PTPRT: variants seen among roughly 807,000 people sequenced by gnomAD.
PTPRT encodes the protein receptor-type tyrosine-protein phosphatase T.
Under a neutral mutation model 176.8 loss-of-function variants are expected in PTPRT, and 56 were observed. That is an observed-to-expected ratio of 0.32 (90% CI 0.26 to 0.40). PTPRT has a LOEUF of 0.40. PTPRT is among the 10% of genes least tolerant of loss of function. The pLI, the probability that PTPRT is intolerant of heterozygous loss-of-function variation, is 1.00. For synonymous variants in PTPRT, 783 were observed against 739.0 expected (o/e 1.06, Z -0.96); for missense variants, 1,540 against 1,908.2 (o/e 0.81, Z 3.60).
At chr20:43,038,283 A>T (rs901669350) in intron 1 of PTPRT, among the ~76,000 whole-genome samples, 3 of 152,238 alleles carry the variant, frequency 2.0e-5, no homozygotes, top group Non-Finnish European at 2.9e-5. Flanking sequence ...AAATACTAGT[A>T]GATCAAATCT....
chr20:42,458,803 G>C (rs2070967395), intron 8 of PTPRT, among the ~76,000 whole-genome samples: 1 of 152,056 alleles, frequency 6.6e-6, no homozygotes, highest in African/African-American at 2.4e-5. Flanking sequence ...TTTCTCTGAG[G>C]ACTCAGAATT....
chr20:42,854,847 C>T (rs977782356), intron 2 of PTPRT, among the ~76,000 whole-genome samples: 1 of 152,174 alleles, frequency 6.6e-6, no homozygotes, highest in African/African-American at 2.4e-5. Flanking sequence ...ATCAGTTATA[C>T]CAGCACCACC....
At chr20:43,140,029 T>C (rs1190816167) in intron 1 of PTPRT, among the ~76,000 whole-genome samples, 2 of 152,244 alleles carry the variant, frequency 1.3e-5, no homozygotes, top group Admixed American at 1.3e-4. Context: ...TTCCTGTTTC[T>C]GACCACAGGC....
intron 1 of PTPRT, among the ~76,000 whole-genome samples, chr20:42,991,246 G>A (rs957614882): frequency 6.6e-6 from 1 of 152,082 alleles, no homozygotes; most frequent in Non-Finnish European, 1.5e-5. Context: ...TAATCATAGA[G>A]GCCAGCCACC....
At chr20:42,705,277 C>G (rs1329246344) in intron 6 of PTPRT, among the ~76,000 whole-genome samples, 1 of 152,028 alleles carries the variant, frequency 6.6e-6, no homozygotes, top group Admixed American at 6.6e-5. Context: ...GAGTGAGCAA[C>G]AAGGCTGTTT....
At chr20:43,175,604 T>C (rs1398675834) in intron 1 of PTPRT, among the ~76,000 whole-genome samples, 2 of 101,264 alleles carry the variant, frequency 2.0e-5, no homozygotes, top group African/African-American at 6.1e-5. Context: ...GCTCTGACTG[T>C]GCCACTGCAC....
chr20:42,283,423 A>G (rs1488330906), intron 12 of PTPRT, among the ~76,000 whole-genome samples: 1 of 152,158 alleles, frequency 6.6e-6, no homozygotes, highest in Non-Finnish European at 1.5e-5. Flanking sequence ...CTCATTCACA[A>G]AGAACCATTG....
chr20:42,455,458 A>T lies in PTPRT; in HGVS notation c.1451-7129T>A, dbSNP rs1440788306. On this transcript the variant is annotated intron_variant, in intron 8 of 30. Transcript: ENST00000373187. ...ATAAACTACTTCCATTTGTATCCTTATCTCAGGGTCTGCTTCTGAATAAAC... is the reference window on the plus strand; with the variant it reads ...ATAAACTACTTCCATTTGTATCCTTTTCTCAGGGTCTGCTTCTGAATAAAC... Among the ~76,000 whole-genome samples the T allele has an allele frequency of 3.9e-5, 6 of 152,250 alleles. No homozygotes were observed. In the East Asian group the frequency reaches 1.2e-3, roughly 29 times the overall value.
chr20:42,690,342 G>A (rs936849248), intron 6 of PTPRT, among the ~76,000 whole-genome samples: 5 of 152,134 alleles, frequency 3.3e-5, no homozygotes, highest in African/African-American at 1.2e-4. Flanking sequence ...AACAGACAGG[G>A]GGACCAATAA....
chr20:42,667,858 G>T (rs1203399184), intron 7 of PTPRT, among the ~76,000 whole-genome samples: 1 of 152,172 alleles, frequency 6.6e-6, no homozygotes. Context: ...GGAGTGAAGG[G>T]CACGCAGGGG....
intron 7 of PTPRT, among the ~76,000 whole-genome samples, chr20:42,490,819 T>C (rs2071549290): frequency 6.6e-6 from 1 of 152,170 alleles, no homozygotes; most frequent in African/African-American, 2.4e-5. Context: ...TGCTGTAGAA[T>C]TTTGGCTTAT....
chr20:42,772,577 A>G (rs1327935797), intron 4 of PTPRT, among the ~76,000 whole-genome samples: 1 of 152,230 alleles, frequency 6.6e-6, no homozygotes, highest in African/African-American at 2.4e-5. Flanking sequence ...TAATAACAAC[A>G]GTAACAGCTC....
At chr20:43,122,414 A>T (rs565734476) in intron 1 of PTPRT, among the ~76,000 whole-genome samples, 1 of 152,326 alleles carries the variant, frequency 6.6e-6, no homozygotes, top group East Asian at 1.9e-4. Context: ...AGGCCTGTCC[A>T]CAAACATGAA....
At chr20:42,746,714 A>G (rs988802678) in intron 6 of PTPRT, among the ~76,000 whole-genome samples, 10 of 152,204 alleles carry the variant, frequency 6.6e-5, no homozygotes, top group Non-Finnish European at 1.3e-4. Flanking sequence ...ATATTTTCCT[A>G]CAAAGAATGA....
At chr20:42,706,426 C>T (rs1282286229) in intron 6 of PTPRT, among the ~76,000 whole-genome samples, 2 of 151,340 alleles carry the variant, frequency 1.3e-5, no homozygotes, top group South Asian at 2.1e-4. Context: ...TTTTGCTGGG[C>T]CTTGATTAGT....
chr20:42,577,923 CTGTGTGTGTGTGTGTGTGTGTGTG>C (rs777761268), intron 7 of PTPRT, among the ~76,000 whole-genome samples: 2 of 111,270 alleles, frequency 1.8e-5, no homozygotes, highest in Non-Finnish European at 3.5e-5. Context: ...CTGAGCGAGG[CTGTGTGTGTGTGTGTGTGTGTGTG>C]TGTGTGTGTG....
rs1046283116 is a variant in PTPRT at position 42,096,696 on chromosome 20, G to A, written c.3846+1725C>T. On this transcript the variant is annotated intron_variant, in intron 27 of 30. Coordinates refer to ENST00000373187, the MANE Select transcript of PTPRT (RefSeq NM_007050.6). ...CTTGCAGTGCTCAAGCAATCCTCCCGCCTCAGCCTCCTGAGTAACTGGGAC... is the reference window on the plus strand; with the variant it reads ...CTTGCAGTGCTCAAGCAATCCTCCCACCTCAGCCTCCTGAGTAACTGGGAC... 5.3e-5 allele frequency among the ~76,000 whole-genome samples: 8 copies of A among 151,870 alleles called. No homozygotes were observed. The Middle Eastern group carries it at 0.014, about 260-fold the overall frequency.
chr20:42,149,422 A>AT (rs11479052), intron 17 of PTPRT, among the ~76,000 whole-genome samples: 25 of 143,982 alleles, frequency 1.7e-4, no homozygotes, highest in Middle Eastern at 3.5e-3. Flanking sequence ...AAAGTTTTGG[A>AT]TTTTTTTTTT....
At chr20:42,828,146 C>A (rs543187056) in intron 2 of PTPRT, among the ~76,000 whole-genome samples, 3 of 152,286 alleles carry the variant, frequency 2.0e-5, no homozygotes, top group Non-Finnish European at 4.4e-5. Flanking sequence ...GACCAGAATG[C>A]TGATAGTCAT....
Sources: gnomAD v4.1 joint callset for allele counts (sites outside exome capture counted in the v4.1 genomes callset) on GRCh38, gnomAD v4.1.1 for gene constraint, MANE v1.5 for transcripts, NCBI Gene and HGNC (gene_info 2026-07-23, HGNC 2026-07-21) for gene names.